The following HDAC4 variants were observed in gnomAD, a reference collection of about 807,000 sequenced individuals.
HDAC4 encodes histone deacetylase 4.
In HDAC4, 16 loss-of-function variants were observed where a neutral mutation model predicts 135.1. The ratio of observed to expected loss-of-function variants is 0.12; its 90% CI spans 0.08 to 0.18. HDAC4 has a LOEUF of 0.18. HDAC4 is among the 10% of genes least tolerant of loss of function. The pLI is 1.00. For synonymous variants in HDAC4, 685 were observed against 653.4 expected (o/e 1.05, Z -0.74); for missense variants, 1,143 against 1,511.8 (o/e 0.76, Z 4.05).
At chr2:239,155,351 G>A (rs1199750446) in intron 7 of HDAC4, 2 of 151,398 alleles carry the variant, frequency 1.3e-5, no homozygotes, top group Non-Finnish European at 2.9e-5. Flanking sequence ...ACTCCACCTG[G>A]GACACCACCG....
chr2:239,367,172 G>A (rs1694275240), intron 1 of HDAC4, among the ~76,000 whole-genome samples: 1 of 152,166 alleles, frequency 6.6e-6, no homozygotes, highest in South Asian at 2.1e-4. Flanking sequence ...TTTACAAGAG[G>A]TGTGTGAAGT....
intron 3 of HDAC4, among the ~76,000 whole-genome samples, chr2:239,201,651 A>G (rs1192511054): frequency 6.6e-6 from 1 of 152,206 alleles, no homozygotes; most frequent in African/African-American, 2.4e-5. Flanking sequence ...AGGCACAGCC[A>G]GGCCCCACCT....
intron 5 of HDAC4, among the ~76,000 whole-genome samples, chr2:239,169,881 T>G (rs949071807): frequency 2.0e-5 from 3 of 152,170 alleles, no homozygotes; most frequent in Admixed American, 2.0e-4. Context: ...CCCTGGGGAT[T>G]AAGTCACCAC....
intron 4 of HDAC4, among the ~76,000 whole-genome samples, chr2:239,180,998 C>T (rs1012272903): frequency 5.9e-5 from 9 of 152,356 alleles, no homozygotes; most frequent in Middle Eastern, 3.4e-3. Flanking sequence ...CCACAGGAAT[C>T]GCTTGGAGTC....
chr2:239,321,608 C>G (rs1462094639), intron 2 of HDAC4, among the ~76,000 whole-genome samples: 1 of 151,464 alleles, frequency 6.6e-6, no homozygotes, highest in Non-Finnish European at 1.5e-5. Flanking sequence ...AATTACCTAA[C>G]TGGGTCCTTT....
intron 1 of HDAC4, among the ~76,000 whole-genome samples, chr2:239,391,210 C>T (rs1198672885): frequency 2.0e-5 from 3 of 152,206 alleles, no homozygotes; most frequent in Non-Finnish European, 2.9e-5. Context: ...GCGCAGCATG[C>T]CCTGGGGGCT....
At chr2:239,076,182 G>A (rs1346242752) in intron 22 of HDAC4, among the ~76,000 whole-genome samples, 1 of 151,198 alleles carries the variant, frequency 6.6e-6, no homozygotes, top group East Asian at 2.0e-4. Flanking sequence ...GGGGAACAGA[G>A]CTGGGTTGGG....
intron 3 of HDAC4, among the ~76,000 whole-genome samples, chr2:239,193,808 T>C (rs925149931): frequency 2.6e-5 from 4 of 152,232 alleles, no homozygotes; most frequent in Non-Finnish European, 5.9e-5. Flanking sequence ...TTCAAACTTT[T>C]CTCAGATTCC....
chr2:239,067,452 C>T (rs184969106), intron 23 of HDAC4, among the ~76,000 whole-genome samples: 4 of 152,326 alleles, frequency 2.6e-5, no homozygotes, highest in South Asian at 2.1e-4. Flanking sequence ...TTAGTGGCCC[C>T]GATCATGGGC....
chr2:239,288,651 G>T (rs1382040531), intron 2 of HDAC4, among the ~76,000 whole-genome samples: 1 of 149,890 alleles, frequency 6.7e-6, no homozygotes, highest in African/African-American at 2.5e-5. Context: ...AACTAGCAAG[G>T]GAAAACTTAA....
At chr2:239,131,664 C>T (rs1054533724) in intron 11 of HDAC4, among the ~76,000 whole-genome samples, 3 of 152,084 alleles carry the variant, frequency 2.0e-5, no homozygotes, top group East Asian at 3.9e-4. Flanking sequence ...GGAAGAGAAA[C>T]GAGGCTTCTA....
intron 3 of HDAC4, among the ~76,000 whole-genome samples, chr2:239,206,547 AAAGG>A (rs2046061658): frequency 6.6e-6 from 1 of 152,190 alleles, no homozygotes; most frequent in Admixed American, 6.5e-5. Flanking sequence ...TCCAGGCAAC[AAAGG>A]AACATTTTAA....
At chr2:239,359,950 T>C (rs1413839573) in intron 1 of HDAC4, among the ~76,000 whole-genome samples, 1 of 152,112 alleles carries the variant, frequency 6.6e-6, no homozygotes, top group African/African-American at 2.4e-5. Context: ...AATTCAGGTT[T>C]TACAGAGCAG....
intron 5 of HDAC4, among the ~76,000 whole-genome samples, chr2:239,176,204 G>A (rs575574710): frequency 2.2e-3 from 331 of 147,954 alleles, no homozygotes; most frequent in Non-Finnish European, 3.7e-3. Context: ...CCCTCTGCCC[G>A]GCCTTCTGCG....
intron 2 of HDAC4, among the ~76,000 whole-genome samples, chr2:239,249,798 C>G (rs758762008): frequency 2.0e-5 from 3 of 151,774 alleles, no homozygotes; most frequent in Non-Finnish European, 2.9e-5. Flanking sequence ...AAACAAGGAG[C>G]TGAATATTAA....
At chr2:239,082,688 A>G (rs2035459946) in intron 20 of HDAC4, among the ~76,000 whole-genome samples, 1 of 152,240 alleles carries the variant, frequency 6.6e-6, no homozygotes, top group Non-Finnish European at 1.5e-5. Flanking sequence ...CATGCCAGGC[A>G]GGGCGTTCGG....
intron 6 of HDAC4, among the ~76,000 whole-genome samples, chr2:239,157,181 C>G (rs76127194): frequency 0.026 from 3,996 of 152,312 alleles, 177 homozygotes; most frequent in African/African-American, 0.092. Context: ...CATAAGGAAT[C>G]AAAGGTGAGT....
chr2:239,102,466 C>T (rs2152764538), intron 16 of HDAC4: 1 of 394,668 alleles, frequency 2.5e-6, no homozygotes, highest in Admixed American at 3.7e-5. Context: ...TTCAGGCTCC[C>T]TGCAGGGCAG....
intron 24 of HDAC4, among the ~76,000 whole-genome samples, chr2:239,058,194 A>G (rs1410364542): frequency 2.6e-5 from 4 of 152,350 alleles, no homozygotes; most frequent in African/African-American, 9.6e-5. Context: ...TTGACAATAC[A>G]TGCTCCAATT....
Sources: gnomAD v4.1 joint callset for allele counts (sites outside exome capture counted in the v4.1 genomes callset) on GRCh38, gnomAD v4.1.1 for gene constraint, MANE v1.5 for transcripts, NCBI Gene and HGNC (gene_info 2026-07-23, HGNC 2026-07-21) for gene names.